Variants in SOX6 observed in about 807,000 individuals in gnomAD.
SOX6 encodes SRY-box transcription factor 6.
In SOX6, 11 loss-of-function variants were observed where a neutral mutation model predicts 97.8. That is an observed-to-expected ratio of 0.11 (90% CI 0.07 to 0.19). The LOEUF is 0.19. SOX6 is among the 10% of genes least tolerant of loss of function. The pLI is 1.00. For missense variants in SOX6, 810 were observed against 1,039.5 expected, an observed-to-expected ratio of 0.78 and a Z score of 3.04; for synonymous variants, 360 against 371.4, an observed-to-expected ratio of 0.97 and a Z score of 0.35.
chr11:16,065,252 T>C (rs1848067153), intron 9 of SOX6, among the ~76,000 whole-genome samples: 1 of 151,880 alleles, frequency 6.6e-6, no homozygotes. Context: ...AATTAAAAAG[T>C]AATGCCACTT....
At chr11:16,718,311 A>G (rs944838758) in intron 2 of SOX6, among the ~76,000 whole-genome samples, 1 of 152,116 alleles carries the variant, frequency 6.6e-6, no homozygotes, top group Non-Finnish European at 1.5e-5. Flanking sequence ...CTAAGATCCC[A>G]TACACAATGG....
chr11:16,528,978 T>C (rs920054908), intron 4 of SOX6, among the ~76,000 whole-genome samples: 1 of 152,074 alleles, frequency 6.6e-6, no homozygotes, highest in Admixed American at 6.6e-5. Context: ...TGAGTGCTTT[T>C]TAAAAATCTA....
intron 2 of SOX6, among the ~76,000 whole-genome samples, chr11:16,726,833 TAA>T (rs1848309848): frequency 6.6e-6 from 1 of 152,138 alleles, no homozygotes; most frequent in Non-Finnish European, 1.5e-5. Context: ...ATCACTAGAA[TAA>T]AGAGACTAGA....
At chr11:16,537,251 G>C (rs1235372113) in intron 4 of SOX6, among the ~76,000 whole-genome samples, 2 of 152,146 alleles carry the variant, frequency 1.3e-5, no homozygotes, top group African/African-American at 4.8e-5. Flanking sequence ...AGAAGGAAAA[G>C]TAACAAACAG....
intron 9 of SOX6, among the ~76,000 whole-genome samples, chr11:16,080,750 A>G (rs1013727302): frequency 6.6e-6 from 1 of 152,182 alleles, no homozygotes; most frequent in African/African-American, 2.4e-5. Context: ...TAAATGGTAT[A>G]ATGGAAGCAT....
intron 3 of SOX6, among the ~76,000 whole-genome samples, chr11:16,249,555 A>G (rs1179638908): frequency 6.6e-6 from 1 of 152,100 alleles, no homozygotes; most frequent in South Asian, 2.1e-4. Context: ...AACTGTTCCA[A>G]CCTCTGCCTG....
rs1860748388 is a variant in SOX6, at chr11:16,504,056, TAAA to T, written n.610-27671_610-27669del. On this transcript the variant is annotated intron_variant and non_coding_transcript_variant, in intron 4 of 5. Transcript: ENST00000524520. ...AAACTCCATCTCAAAAATAAATAAATAAATAAATAAATAAATAAATAAATAAAT... is the reference window on the plus strand; with the variant it reads ...AAACTCCATCTCAAAAATAAATAAATTAAATAAATAAATAAATAAATAAAT... Among the ~76,000 whole-genome samples the T allele has an allele frequency of 2.9e-4, 8 of 27,426 alleles. No individual in the cohort carries two copies. The South Asian group carries it at 0.013, about 43-fold the overall frequency. The allele number at this position is 27,426 out of a possible 152,430, so 18.0% of individuals were successfully genotyped here.
chr11:16,331,571 T>C (rs1856302220), intron 2 of SOX6, among the ~76,000 whole-genome samples: 2 of 152,188 alleles, frequency 1.3e-5, no homozygotes, highest in Non-Finnish European at 1.5e-5. Context: ...ACCAAGAAAC[T>C]CTTTATAATT....
At chr11:16,606,235 T>C (rs1331011169) in intron 4 of SOX6, among the ~76,000 whole-genome samples, 2 of 151,946 alleles carry the variant, frequency 1.3e-5, no homozygotes, top group Non-Finnish European at 2.9e-5. Context: ...TTTTTCTTTT[T>C]TTTTTTTCCT....
intron 3 of SOX6, among the ~76,000 whole-genome samples, chr11:16,257,976 T>TA (rs2134209167): frequency 8.3e-6 from 1 of 120,452 alleles, no homozygotes; most frequent in Non-Finnish European, 1.8e-5. Flanking sequence ...TTATTAGAGA[T>TA]ATCACTCTTT....
intron 13 of SOX6, among the ~76,000 whole-genome samples, chr11:16,004,884 G>A (rs1173667459): frequency 6.6e-6 from 1 of 151,926 alleles, no homozygotes; most frequent in Non-Finnish European, 1.5e-5. Flanking sequence ...TCTCTAAACT[G>A]TAGCTTCATT....
At chr11:16,152,237 G>A (rs972028980) in intron 6 of SOX6, among the ~76,000 whole-genome samples, 7 of 152,246 alleles carry the variant, frequency 4.6e-5, no homozygotes, top group Admixed American at 2.0e-4. Context: ...ATTTATAGAT[G>A]TGTATGCTTT....
At chr11:16,084,765 A>G (rs1736602930) in intron 9 of SOX6, among the ~76,000 whole-genome samples, 1 of 152,204 alleles carries the variant, frequency 6.6e-6, no homozygotes, top group African/African-American at 2.4e-5. Flanking sequence ...ATGGCTACAA[A>G]TCATCATCTG....
intron 3 of SOX6, among the ~76,000 whole-genome samples, chr11:16,293,648 G>C (rs1232214081): frequency 6.6e-6 from 1 of 151,942 alleles, no homozygotes; most frequent in African/African-American, 2.4e-5. Context: ...GTGGGGAGAG[G>C]GAGTTAGAGA....
intron 10 of SOX6, among the ~76,000 whole-genome samples, chr11:16,055,237 A>T (rs1002255026): frequency 1.9e-4 from 29 of 151,992 alleles, no homozygotes; most frequent in South Asian, 6.2e-4. Flanking sequence ...TTATTTATTT[A>T]TTTTTTTAAG....
chr11:16,285,461 G>C (rs1005452190), intron 3 of SOX6, among the ~76,000 whole-genome samples: 3 of 152,144 alleles, frequency 2.0e-5, no homozygotes, highest in African/African-American at 7.2e-5. Context: ...TTGAACCCAG[G>C]AGGCGGAGGT....
intron 4 of SOX6, among the ~76,000 whole-genome samples, chr11:16,485,448 G>A (rs1382563468): frequency 6.6e-6 from 1 of 151,950 alleles, no homozygotes; most frequent in Non-Finnish European, 1.5e-5. Flanking sequence ...AATTAGCCAG[G>A]CTGCCAGGTG....
At chr11:16,515,803 G>T (rs1300267828) in intron 4 of SOX6, among the ~76,000 whole-genome samples, 9 of 119,076 alleles carry the variant, frequency 7.6e-5, no homozygotes, top group Non-Finnish European at 7.0e-5. Flanking sequence ...ATTAAATAGG[G>T]AATCCTTTCC....
Position 16,095,930 on chromosome 11 carries a change from AAG to A in SOX6, c.1101+64_1101+65del. ...TTGCCACTTTAAAAAAAAAAAAAAA[AAG>A]CCTAGAGTATGACTGAACAATCCAG... On this transcript the variant is annotated intron_variant, in intron 9 of 15. Coordinates refer to ENST00000683767, the MANE Select transcript of SOX6 (RefSeq NM_001367873.1). 5 of 1,536,972 alleles carry A rather than the reference AAG, an allele frequency of 3.3e-6. No homozygotes were observed. The Admixed American group carries it at 6.0e-5, about 18-fold the overall frequency.
Sources: allele counts gnomAD v4.1 joint callset (sites outside exome capture counted in the v4.1 genomes callset), GRCh38; gene constraint gnomAD v4.1.1; transcripts MANE v1.5; gene names NCBI Gene and HGNC (gene_info 2026-07-23, HGNC 2026-07-21).